Variants in ITGBL1 observed in about 807,000 individuals in gnomAD.
ITGBL1 encodes the protein integrin beta-like protein 1.
ITGBL1 carries 51 observed loss-of-function variants against 68.5 expected under a neutral mutation model. The ratio of observed to expected loss-of-function variants is 0.74; its 90% CI spans 0.59 to 0.94. The LOEUF is 0.94. ITGBL1 is among the 40% of genes least tolerant of loss of function. The probability of loss-of-function intolerance (pLI) is 0.00; values close to 1 mark genes in which losing one functional copy is unlikely to be tolerated. For missense variants in ITGBL1, 649 were observed against 647.4 expected (o/e 1.00, Z -0.03); for synonymous variants, 209 against 227.3 (o/e 0.92, Z 0.72).
At chr13:101,549,356 G>C (rs188622763) in intron 2 of ITGBL1, among the ~76,000 whole-genome samples, 200 of 151,966 alleles carry the variant, frequency 1.3e-3, no homozygotes, top group African/African-American at 4.5e-3. Context: ...AAGAGAATTT[G>C]ATCATATGAT....
intron 5 of ITGBL1, 82 bp downstream of exon 5, chr13:101,579,509 C>T: frequency 7.1e-7 from 1 of 1,418,352 alleles, no homozygotes; most frequent in Non-Finnish European, 9.6e-7. Flanking sequence ...TTTGTATTTC[C>T]TCTAGTGTGG....
intron 2 of ITGBL1, among the ~76,000 whole-genome samples, chr13:101,507,955 C>T (rs9518424): frequency 0.014 from 2,164 of 152,126 alleles, 55 homozygotes; most frequent in African/African-American, 0.049. Flanking sequence ...TTGTAGTTTT[C>T]TTTTGTCTGG....
chr13:101,553,523 G>T (rs540739165), intron 2 of ITGBL1, among the ~76,000 whole-genome samples: 4 of 152,130 alleles, frequency 2.6e-5, no homozygotes, highest in East Asian at 3.9e-4. Context: ...GTTTGCAAGG[G>T]TTACTATAAC....
intron 2 of ITGBL1, among the ~76,000 whole-genome samples, chr13:101,462,286 T>G (rs1041550260): frequency 6.6e-6 from 1 of 152,136 alleles, no homozygotes. Flanking sequence ...AGGATAAGCT[T>G]CCCATCCAAG....
In ITGBL1 at chr13:101,598,279, A is replaced by G. The variant is rs2030111426; in HGVS notation, c.995A>G (p.Asp332Gly). 1 of 1,612,688 alleles carries G rather than the reference A, an allele frequency of 6.2e-7. No homozygotes were observed. The highest frequency in any genetic ancestry group is 8.5e-7 in the Non-Finnish European group (1 of 1,179,436). The change falls in exon 7 of 11, where the codon GAT becomes GGT. Residue 332 changes from aspartate to glycine, a missense_variant. Physicochemically the swap from Asp to Gly is moderately conservative, Grantham distance 94 (BLOSUM62 -1). Transcript: ENST00000376180. ...ATCAGGAAGTGCCAGGGAAGCTCGG[A>G]TCTGCCTTGCTCTGGGAGGGGTAAG... ...ESIRKCQGSS[D>G]LPCSGRGKCE...
chr13:101,483,098 A>G (rs537134045), intron 2 of ITGBL1, among the ~76,000 whole-genome samples: 5 of 152,316 alleles, frequency 3.3e-5, no homozygotes, highest in South Asian at 4.1e-4. Context: ...GGACTCTGCT[A>G]GGCACTGGGA....
intron 2 of ITGBL1, among the ~76,000 whole-genome samples, chr13:101,561,396 C>T (rs1008219171): frequency 6.6e-6 from 1 of 152,028 alleles, no homozygotes; most frequent in Non-Finnish European, 1.5e-5. Context: ...CTTTCACTGT[C>T]GGGGAAAGGG....
chr13:101,675,008 CTGTT>C (rs1185049783), intron 7 of ITGBL1, among the ~76,000 whole-genome samples: 16 of 152,012 alleles, frequency 1.1e-4, no homozygotes, highest in African/African-American at 3.6e-4. Context: ...CTGTTAGTAT[CTGTT>C]TGTCTGGAAA....
At chr13:101,487,429 C>A (rs2048716612) in intron 2 of ITGBL1, among the ~76,000 whole-genome samples, 1 of 152,038 alleles carries the variant, frequency 6.6e-6, no homozygotes, top group Non-Finnish European at 1.5e-5. Flanking sequence ...AGTTAGGATT[C>A]AAAAATATGA....
chr13:101,528,070 T>C (rs1204838979), intron 2 of ITGBL1, among the ~76,000 whole-genome samples: 1 of 151,832 alleles, frequency 6.6e-6, no homozygotes, highest in Admixed American at 6.6e-5. Context: ...TATGTTTTGT[T>C]TGCTATATAA....
chr13:101,591,374 A>T (rs541056994), intron 6 of ITGBL1, among the ~76,000 whole-genome samples: 1 of 152,214 alleles, frequency 6.6e-6, no homozygotes, highest in South Asian at 2.1e-4. Context: ...TTTCCTTTCA[A>T]CTGAGGTCTA....
chr13:101,584,175 G>A (rs1245897868), intron 6 of ITGBL1, among the ~76,000 whole-genome samples: 2 of 152,180 alleles, frequency 1.3e-5, no homozygotes, highest in Non-Finnish European at 2.9e-5. Flanking sequence ...TAGGGACTGA[G>A]TGACATCTGG....
At chr13:101,674,759 T>C (rs7989559) in intron 7 of ITGBL1, among the ~76,000 whole-genome samples, 3,086 of 152,206 alleles carry the variant, frequency 0.02, 116 homozygotes, top group African/African-American at 0.069. Flanking sequence ...CTAATGTCTT[T>C]ATGTTATTTC....
chr13:101,720,724 A>ATATT (rs774548343), downstream of ITGBL1: 1 of 150,944 alleles, frequency 6.6e-6, no homozygotes, highest in African/African-American at 2.5e-5. Context: ...GTTATCTAAT[A>ATATT]TATTTTAACT....
At chr13:101,691,430 C>G (rs2033880890) in intron 7 of ITGBL1, among the ~76,000 whole-genome samples, 1 of 152,192 alleles carries the variant, frequency 6.6e-6, no homozygotes, top group Admixed American at 6.5e-5. Flanking sequence ...TTTCCCCCAT[C>G]ATCCACCAAC....
chr13:101,508,284 A>G (rs1414463953), intron 2 of ITGBL1, among the ~76,000 whole-genome samples: 1 of 152,202 alleles, frequency 6.6e-6, no homozygotes, highest in Non-Finnish European at 1.5e-5. Flanking sequence ...CATTTGTAAT[A>G]CGATCAATTC....
intron 7 of ITGBL1, among the ~76,000 whole-genome samples, chr13:101,603,249 C>G (rs1447863746): frequency 1.3e-5 from 2 of 151,888 alleles, no homozygotes; most frequent in Non-Finnish European, 2.9e-5. Flanking sequence ...TATTGTCTGT[C>G]TTTTTGATTC....
intron 9 of ITGBL1, among the ~76,000 whole-genome samples, chr13:101,707,321 G>A (rs375802809): frequency 5.9e-5 from 9 of 152,156 alleles, no homozygotes; most frequent in African/African-American, 2.2e-4. Context: ...ATATGACTTT[G>A]GGAACTTCTG....
chr13:101,587,714 T>C (rs1255892785), intron 6 of ITGBL1, among the ~76,000 whole-genome samples: 1 of 152,180 alleles, frequency 6.6e-6, no homozygotes, highest in Admixed American at 6.5e-5. Flanking sequence ...AATATTTTGA[T>C]AGAACCATAT....
Sources: allele counts gnomAD v4.1 joint callset (sites outside exome capture counted in the v4.1 genomes callset), GRCh38; gene constraint gnomAD v4.1.1; transcripts MANE v1.5; gene names NCBI Gene and HGNC (gene_info 2026-07-23, HGNC 2026-07-21).